ZEB2: variants seen among roughly 807,000 people sequenced by gnomAD.
ZEB2 encodes zinc finger E-box-binding homeobox 2.
Under a neutral mutation model 99.9 loss-of-function variants are expected in ZEB2, and 6 were observed. The ratio of observed to expected loss-of-function variants is 0.06; its 90% CI spans 0.03 to 0.12. ZEB2 has a LOEUF of 0.12. ZEB2 is among the 10% of genes least tolerant of loss of function. ZEB2 has a pLI of 1.00. For synonymous variants in ZEB2, 517 were observed against 542.5 expected (o/e 0.95, Z 0.65); for missense variants, 969 against 1,502.8 (o/e 0.64, Z 5.87).
intron 1 of ZEB2, chr2:144,517,787 G>C (rs1573822588): frequency 8.9e-6 from 6 of 670,900 alleles, no homozygotes; most frequent in South Asian, 7.7e-5. Context: ...TCGGGAACTT[G>C]GGGTGAGGCG....
At position 144,517,378 on chromosome 2, in the gene ZEB2, G is replaced by C; in HGVS notation, c.-28C>G. 1.2e-6 allele frequency: 2 copies of C among 1,613,068 alleles called. No homozygotes were observed. The highest frequency in any genetic ancestry group is 1.7e-6 in the Non-Finnish European group (2 of 1,179,414). On this transcript the variant is annotated 5_prime_UTR_variant, in exon 2 of 10. Transcript: ENST00000627532. ...ATAAGAGCGGATCAGATGGCAGTTC[G>C]CATGGACTCGGCGCCCTGCTTCGGC...
chr2:144,385,567 A>G lies in ZEB2; in HGVS notation c.*3884T>C, dbSNP rs370313251. Reference sequence around the variant, plus strand: ...AGTGTGTTTGTTTGAATGTTTTTACATGTACATGGGATCACATAGTCAAAT... The same window carrying G: ...AGTGTGTTTGTTTGAATGTTTTTACGTGTACATGGGATCACATAGTCAAAT... On this transcript the variant is annotated 3_prime_UTR_variant, in exon 10 of 10. Transcript: ENST00000627532. The G allele has an allele frequency of 6.6e-6, 1 of 152,178 alleles. No homozygotes were observed. The highest frequency in any genetic ancestry group is 6.5e-5 in the Admixed American group (1 of 15,268). The allele number at this position is 152,178 out of a possible 1,614,324, so 9.4% of individuals were successfully genotyped here.
intron 2 of ZEB2, among the ~76,000 whole-genome samples, chr2:144,479,029 A>C (rs1238614615): frequency 6.6e-6 from 1 of 152,252 alleles, no homozygotes; most frequent in Non-Finnish European, 1.5e-5. Context: ...AAAGTAAAAC[A>C]TATTAAAGAT....
At chr2:144,468,697 A>G (rs1704309614) in intron 2 of ZEB2, among the ~76,000 whole-genome samples, 1 of 152,118 alleles carries the variant, frequency 6.6e-6, no homozygotes, top group Non-Finnish European at 1.5e-5. Context: ...ACAGAAGGGC[A>G]AAGACCAAAT....
intron 1 of ZEB2, chr2:144,517,687 C>A: frequency 1.4e-6 from 1 of 702,554 alleles, no homozygotes; most frequent in South Asian, 1.5e-5. Context: ...AACTCCTGAC[C>A]GTATGAGGGA....
chr2:144,498,092 A>G (rs1362296759), intron 2 of ZEB2, among the ~76,000 whole-genome samples: 2 of 101,182 alleles, frequency 2.0e-5, no homozygotes, highest in Non-Finnish European at 3.8e-5. Flanking sequence ...TATAATATAT[A>G]TTAATATTAT....
intron 2 of ZEB2, among the ~76,000 whole-genome samples, chr2:144,497,955 A>T (rs1360120581): frequency 9.8e-5 from 5 of 51,200 alleles, no homozygotes; most frequent in African/African-American, 1.8e-4. Flanking sequence ...ATATTATATA[A>T]TATATATTAA....
chr2:144,409,225 C>A (rs990271933), intron 4 of ZEB2, among the ~76,000 whole-genome samples: 1 of 152,000 alleles, frequency 6.6e-6, no homozygotes, highest in Admixed American at 6.6e-5. Context: ...ACTAAAATCA[C>A]CCTAACAGTT....
rs761041545 is a variant in ZEB2 at position 144,404,958 on chromosome 2, T to C, written c.470A>G (p.Asp157Gly). The C allele has an allele frequency of 6.2e-7, 1 of 1,614,256 alleles. No homozygotes were observed. Among genetic ancestry groups the C allele is most frequent in the South Asian group, 1.1e-5 (1 of 91,090 alleles). Residue 157 changes from aspartate (D) to glycine (G), a missense_variant, in exon 5 of 10, where the codon GAT (aspartate) becomes GGT (glycine). Around this residue, in one of 8 missense-constraint regions of ZEB2, gnomAD observed 173 missense variants for 217.7 expected, o/e 0.79. Coordinates refer to ENST00000627532, the MANE Select transcript of ZEB2 (RefSeq NM_014795.4). ...CTCCTCGATGCTGACTGCATGACCA[T>C]CGCGTTCCTCCAGTTTTCTTTTGGC... ...YFAKRKLEER[D>G]GHAVSIEEYL...
intron 2 of ZEB2, among the ~76,000 whole-genome samples, chr2:144,479,315 C>G (rs532671567): frequency 1.4e-4 from 22 of 152,082 alleles, no homozygotes; most frequent in Non-Finnish European, 2.8e-4. Context: ...AGAGAGTGCT[C>G]CTGGCCCTTC....
intron 4 of ZEB2, among the ~76,000 whole-genome samples, chr2:144,420,970 T>C (rs935153271): frequency 2.6e-5 from 4 of 152,042 alleles, no homozygotes; most frequent in Non-Finnish European, 2.9e-5. Flanking sequence ...GAAACTGTTA[T>C]AGGAAAGATG....
chr2:144,448,525 A>G (rs4662221), intron 2 of ZEB2, among the ~76,000 whole-genome samples: 68,952 of 152,136 alleles, frequency 0.45, 17,978 homozygotes, highest in East Asian at 0.6. Flanking sequence ...CAAACTGTGC[A>G]TGCAAGGTAC....
chr2:144,483,527 A>C (rs1704549196), intron 2 of ZEB2, among the ~76,000 whole-genome samples: 1 of 152,240 alleles, frequency 6.6e-6, no homozygotes, highest in Non-Finnish European at 1.5e-5. Flanking sequence ...CTTTTGAAGA[A>C]GATCAAACAG....
rs147548528 is a variant in ZEB2 at position 144,406,754 on chromosome 2, G to A, written c.404-1730C>T. Among the ~76,000 whole-genome samples, 280 of 152,320 alleles carry A rather than the reference G, an allele frequency of 1.8e-3. 2 individuals are homozygous for A. The highest frequency in any genetic ancestry group is 6.4e-3 in the African/African-American group (264 of 41,570). On this transcript the variant is annotated intron_variant, in intron 4 of 9. Coordinates refer to ENST00000627532, the MANE Select transcript of ZEB2 (RefSeq NM_014795.4). ...GAGTATTAAGCAAGGAGGATGGCTG[G>A]ATGAAACTATGATTATTTGCATTTT...
At chr2:144,480,947 T>C (rs1704502525) in intron 2 of ZEB2, among the ~76,000 whole-genome samples, 1 of 152,180 alleles carries the variant, frequency 6.6e-6, no homozygotes, top group Non-Finnish European at 1.5e-5. Flanking sequence ...ATAGCTGCTT[T>C]TGAGAATTTT....
Position 144,389,808 on chromosome 2 carries a change from G to A in ZEB2, c.3288C>T (p.Arg1096=), listed in dbSNP as rs772712992. The change falls in exon 10 of 10, where the codon CGC becomes CGT. Residue 1096 remains arginine (R), a synonymous_variant. Transcript: ENST00000627532. This position sits in a 1 kb window ranked among gnomAD's most constrained non-coding sequence, Gnocchi z 6.8. ...EEREAAEREA[R]EKGHLEPTEL... ...CGGTGGGTTCCAAGTGCCCTTTCTC[G>A]CGCGCCTCGCGCTCCGCCGCTTCCC... The A allele has an allele frequency of 3.1e-6, 5 of 1,611,870 alleles. No homozygotes were observed. The highest frequency in any genetic ancestry group is 1.1e-5 in the South Asian group (1 of 90,992).
At chr2:144,484,525 C>G (rs1186934209) in intron 2 of ZEB2, among the ~76,000 whole-genome samples, 1 of 152,180 alleles carries the variant, frequency 6.6e-6, no homozygotes, top group Non-Finnish European at 1.5e-5. Flanking sequence ...GTGGAAGACA[C>G]ATGGCCTAAT....
In ZEB2 at chr2:144,428,046, A is replaced by T. The variant is rs958432589; in HGVS notation, c.331+1723T>A. On this transcript the variant is annotated intron_variant, in intron 3 of 9. Coordinates refer to ENST00000627532, the MANE Select transcript of ZEB2 (RefSeq NM_014795.4). ...TTCAACTATTGATATTAAATTTTTT[A>T]AATTAAACTTTTTTAAAAGAGGTTT... The T allele has an allele frequency of 3.9e-5, 6 of 152,160 alleles. No homozygotes were observed. The East Asian group carries it at 5.8e-4, about 15-fold the overall frequency. 9.4% of individuals were successfully genotyped at this position (152,160 alleles called of 1,614,324 possible). A position where few individuals can be genotyped will look rare whatever the true frequency, so the allele number is the denominator to read the frequency against.
At position 144,387,505 on chromosome 2, in the gene ZEB2, CT is replaced by C. The variant is rs886054888; in HGVS notation, c.*1945del. ...TATTTTTGTTAGCATTTGCTTTTAGCTTTTCCTCTCCCACCCACGCCTTCTA... is the reference window on the plus strand; with the variant it reads ...TATTTTTGTTAGCATTTGCTTTTAGCTTTCCTCTCCCACCCACGCCTTCTA... On this transcript the variant is annotated 3_prime_UTR_variant, in exon 10 of 10. Coordinates refer to ENST00000627532, the MANE Select transcript of ZEB2 (RefSeq NM_014795.4). 6 of 152,110 alleles carry C rather than the reference CT, an allele frequency of 3.9e-5. No individual in the cohort carries two copies. Among genetic ancestry groups the C allele is most frequent in the Admixed American group, 3.3e-4 (5 of 15,274 alleles). 9.4% of individuals were successfully genotyped at this position (152,110 alleles called of 1,614,324 possible).
Sources: allele counts gnomAD v4.1 joint callset (sites outside exome capture counted in the v4.1 genomes callset), GRCh38; gene constraint gnomAD v4.1.1; regional missense constraint gnomAD v4.1.1; non-coding constraint Gnocchi (gnomAD v3.1); transcripts MANE v1.5; gene names NCBI Gene and HGNC (gene_info 2026-07-23, HGNC 2026-07-21).